Variants in ERBB4 observed in about 807,000 individuals in gnomAD.
The protein encoded by ERBB4 is erb-b2 receptor tyrosine kinase 4, also known as receptor tyrosine-protein kinase erbB-4.
ERBB4 carries 42 observed loss-of-function variants against 158.0 expected under a neutral mutation model. The ratio of observed to expected loss-of-function variants is 0.27; its 90% CI spans 0.21 to 0.34. ERBB4 has a LOEUF of 0.34. Among genes scored for constraint, ERBB4 ranks in the 10% least tolerant of loss-of-function variants. The pLI, the probability that ERBB4 is intolerant of heterozygous loss-of-function variation, is 1.00. For missense variants in ERBB4, 1,333 were observed against 1,624.1 expected (o/e 0.82, Z 3.08); for synonymous variants, 583 against 558.7 (o/e 1.04, Z -0.61).
chr2:212,441,415 C>T (rs2092252072), intron 1 of ERBB4, among the ~76,000 whole-genome samples: 1 of 152,182 alleles, frequency 6.6e-6, no homozygotes, highest in African/African-American at 2.4e-5. Context: ...GGAGCCACCC[C>T]CATCACCTCT....
intron 1 of ERBB4, among the ~76,000 whole-genome samples, chr2:212,208,982 A>G: frequency 6.6e-6 from 1 of 152,150 alleles, no homozygotes; most frequent in East Asian, 1.9e-4. Context: ...TTTATCTCCT[A>G]TGTATTTTAT....
At chr2:211,492,259 C>T (rs1269321880) in intron 20 of ERBB4, among the ~76,000 whole-genome samples, 1 of 152,054 alleles carries the variant, frequency 6.6e-6, no homozygotes, top group Non-Finnish European at 1.5e-5. Flanking sequence ...CTAATTAATT[C>T]AGTTATTCTG....
At chr2:212,213,187 C>T (rs779856452) in intron 1 of ERBB4, among the ~76,000 whole-genome samples, 86 of 150,494 alleles carry the variant, frequency 5.7e-4, no homozygotes, top group Non-Finnish European at 1.0e-3. Context: ...GTGTAATATC[C>T]AGAATTTACA....
rs142280373 is a variant in ERBB4 at position 212,357,065 on chromosome 2, T to C, written c.82+181384A>G. Among the ~76,000 whole-genome samples the C allele has an allele frequency of 1.7e-3, 258 of 152,038 alleles. 1 individual carries two copies. The highest frequency in any genetic ancestry group is 2.8e-3 in the Non-Finnish European group (190 of 67,904). ...AAATCATAAGATACATAATAGTGTC[T>C]TATACATAAGTGTCTTATCCTTCAA... On this transcript the variant is annotated intron_variant, in intron 1 of 27. Transcript: ENST00000342788.
chr2:211,949,842 T>C (rs747691613), intron 2 of ERBB4, among the ~76,000 whole-genome samples: 13 of 152,150 alleles, frequency 8.5e-5, no homozygotes, highest in Non-Finnish European at 1.3e-4. Context: ...CCTGCTTCAA[T>C]TCTCATATTT....
intron 5 of ERBB4, among the ~76,000 whole-genome samples, chr2:211,740,622 CTTTTTTTTTTTT>C (rs1169540948): frequency 1.2e-4 from 11 of 90,174 alleles, no homozygotes; most frequent in Non-Finnish European, 1.8e-4. Context: ...TTTTCTTTGT[CTTTTTTTTTTTT>C]TTTTTTTTTT....
intron 1 of ERBB4, among the ~76,000 whole-genome samples, chr2:212,173,154 T>TG: frequency 6.6e-6 from 1 of 152,256 alleles, no homozygotes; most frequent in Non-Finnish European, 1.5e-5. Flanking sequence ...GACATGGTTC[T>TG]GTATGCCAGT....
chr2:211,948,260 C>T (rs577712581), intron 2 of ERBB4, among the ~76,000 whole-genome samples: 1 of 151,814 alleles, frequency 6.6e-6, no homozygotes, highest in South Asian at 2.1e-4. Context: ...CATGGTGAAA[C>T]CCCATCTCTA....
At chr2:211,700,422 G>A (rs573290101) in intron 12 of ERBB4, among the ~76,000 whole-genome samples, 235 of 152,292 alleles carry the variant, frequency 1.5e-3, no homozygotes, top group African/African-American at 5.4e-3. Flanking sequence ...TGTGGAACAT[G>A]AGAATGAGTA....
chr2:212,289,214 A>G (rs2086115803), intron 1 of ERBB4, among the ~76,000 whole-genome samples: 1 of 152,208 alleles, frequency 6.6e-6, no homozygotes, highest in South Asian at 2.1e-4. Flanking sequence ...TAAAATGAAT[A>G]TAATAACTTT....
At chr2:212,286,767 A>ATTTTTTTTTTTTTTTTTTTTTTTTTTT (rs748586400) in intron 1 of ERBB4, among the ~76,000 whole-genome samples, 2 of 39,562 alleles carry the variant, frequency 5.1e-5, no homozygotes, top group Admixed American at 4.8e-4. Flanking sequence ...ATGAGGGTTA[A>ATTTTTTTTTTTTTTTTTTTTTTTTTTT]TTTTTTTTTT....
chr2:211,543,354 C>A (rs576428132), intron 20 of ERBB4, among the ~76,000 whole-genome samples: 7 of 151,988 alleles, frequency 4.6e-5, no homozygotes, highest in African/African-American at 1.7e-4. Flanking sequence ...CCATATAGTG[C>A]CAATTTCTTT....
At chr2:211,438,012 G>A (rs1308767605) in intron 20 of ERBB4, among the ~76,000 whole-genome samples, 3 of 152,144 alleles carry the variant, frequency 2.0e-5, no homozygotes, top group Non-Finnish European at 4.4e-5. Flanking sequence ...AATATAAGGA[G>A]GCTCAGTAAT....
At chr2:211,915,714 A>T (rs2125065700) in intron 3 of ERBB4, among the ~76,000 whole-genome samples, 1 of 152,046 alleles carries the variant, frequency 6.6e-6, no homozygotes, top group Non-Finnish European at 1.5e-5. Context: ...AAACATGGGC[A>T]GTACACCTGG....
At chr2:212,270,923 C>T (rs531404772) in intron 1 of ERBB4, among the ~76,000 whole-genome samples, 10 of 151,834 alleles carry the variant, frequency 6.6e-5, no homozygotes, top group African/African-American at 2.2e-4. Flanking sequence ...CATCGTGGAA[C>T]GGAGGCATGC....
chr2:212,003,112 A>AAG (rs2076147811), intron 2 of ERBB4, among the ~76,000 whole-genome samples: 1 of 48,146 alleles, frequency 2.1e-5, no homozygotes, highest in Non-Finnish European at 4.0e-5. Context: ...AAAGAAAGAA[A>AAG]GAAGGAAGGA....
intron 3 of ERBB4, among the ~76,000 whole-genome samples, chr2:211,799,159 A>C (rs1214264686): frequency 6.6e-6 from 1 of 152,118 alleles, no homozygotes; most frequent in Non-Finnish European, 1.5e-5. Context: ...TTCCAGGCCA[A>C]GGGTCTGGAA....
chr2:211,832,426 T>C (rs2105974061), intron 3 of ERBB4, among the ~76,000 whole-genome samples: 1 of 152,268 alleles, frequency 6.6e-6, no homozygotes, highest in East Asian at 1.9e-4. Flanking sequence ...AATAAAATGA[T>C]TCTATTTATG....
intron 24 of ERBB4, among the ~76,000 whole-genome samples, chr2:211,421,200 T>A (rs2063507689): frequency 6.6e-6 from 1 of 151,490 alleles, no homozygotes; most frequent in Non-Finnish European, 1.5e-5. Context: ...ATTTTTAAAG[T>A]TACATAATTT....
Sources: allele counts gnomAD v4.1 joint callset (sites outside exome capture counted in the v4.1 genomes callset), GRCh38; gene constraint gnomAD v4.1.1; transcripts MANE v1.5; gene names NCBI Gene and HGNC (gene_info 2026-07-23, HGNC 2026-07-21).